RAB27B: variants seen among roughly 807,000 people sequenced by gnomAD.
RAB27B encodes the protein RAB27B, member RAS oncogene family.
In RAB27B, 15 loss-of-function variants were observed where a neutral mutation model predicts 24.6. The observed-to-expected ratio is 0.61, with a 90% CI of 0.41 to 0.94. The LOEUF (loss-of-function observed/expected upper bound fraction) is 0.94, where lower values mean the gene tolerates loss of function less well. Ranked by LOEUF, RAB27B falls within the 40% of genes least tolerant of loss-of-function variation. The pLI, the probability that RAB27B is intolerant of heterozygous loss-of-function variation, is 0.00. For synonymous variants in RAB27B, 105 were observed against 92.5 expected, an observed-to-expected ratio of 1.14 and a Z score of -0.78; for missense variants, 261 against 266.8, an observed-to-expected ratio of 0.98 and a Z score of 0.15.
chr18:54,758,519 G>A (rs974874359), intron 2 of RAB27B, among the ~76,000 whole-genome samples: 11 of 152,016 alleles, frequency 7.2e-5, no homozygotes, highest in Non-Finnish European at 1.3e-4. Flanking sequence ...TATCAGGTTT[G>A]GGAGAAATCA....
chr18:54,857,308 C>T (rs1454659242), intron 1 of RAB27B, among the ~76,000 whole-genome samples: 3 of 152,182 alleles, frequency 2.0e-5, no homozygotes. Flanking sequence ...TTCTGCCCAT[C>T]CGGGAAATAA....
At chr18:54,845,573 C>T (rs992649770) in intron 1 of RAB27B, among the ~76,000 whole-genome samples, 29 of 151,442 alleles carry the variant, frequency 1.9e-4, no homozygotes, top group African/African-American at 6.3e-4. Flanking sequence ...CCTTGTTTTT[C>T]CTAGTCTGTT....
intron 3 of RAB27B, among the ~76,000 whole-genome samples, chr18:54,882,884 G>C (rs1227966271): frequency 6.6e-6 from 1 of 152,006 alleles, no homozygotes; most frequent in Middle Eastern, 3.2e-3. Context: ...ATAATCTATG[G>C]GAAGAAATGG....
chr18:54,876,324 C>T (rs1912699321), intron 1 of RAB27B, among the ~76,000 whole-genome samples: 1 of 152,234 alleles, frequency 6.6e-6, no homozygotes, highest in South Asian at 2.1e-4. Context: ...GGACACAAAG[C>T]CTAACCATAT....
At chr18:54,772,177 T>A (rs1416984165) in intron 2 of RAB27B, among the ~76,000 whole-genome samples, 2 of 152,226 alleles carry the variant, frequency 1.3e-5, no homozygotes, top group Non-Finnish European at 2.9e-5. Context: ...AGGTCCTGGA[T>A]AGGGACTGCT....
At chr18:54,819,531 C>CAAAAAAAA (rs33940922) in intron 2 of RAB27B, among the ~76,000 whole-genome samples, 3 of 65,172 alleles carry the variant, frequency 4.6e-5, no homozygotes, top group African/African-American at 6.3e-5. Context: ...GACTCCATCT[C>CAAAAAAAA]AAAAAAAAAA....
At chr18:54,767,269 G>A (rs557412318) in intron 2 of RAB27B, among the ~76,000 whole-genome samples, 1 of 152,258 alleles carries the variant, frequency 6.6e-6, no homozygotes, top group Admixed American at 6.5e-5. Flanking sequence ...AACATGGAAA[G>A]GCAAATAACT....
chr18:54,800,339 T>C (rs1437297701), intron 2 of RAB27B, among the ~76,000 whole-genome samples: 2 of 152,238 alleles, frequency 1.3e-5, no homozygotes, highest in Non-Finnish European at 2.9e-5. Flanking sequence ...GATAAATCCC[T>C]AGATGTAGAC....
chr18:54,723,797 TA>T (rs1233568521), intron 2 of RAB27B, among the ~76,000 whole-genome samples: 2 of 152,218 alleles, frequency 1.3e-5, no homozygotes, highest in East Asian at 3.8e-4. Flanking sequence ...AGTACTTATT[TA>T]AAACACCAAA....
At chr18:54,842,246 A>G (rs1336024879) in intron 1 of RAB27B, among the ~76,000 whole-genome samples, 1 of 152,244 alleles carries the variant, frequency 6.6e-6, no homozygotes, top group Non-Finnish European at 1.5e-5. Flanking sequence ...AAGAAAAGAT[A>G]TGTAAACAGT....
chr18:54,802,006 A>G (rs1336995519), intron 2 of RAB27B, among the ~76,000 whole-genome samples: 4 of 152,202 alleles, frequency 2.6e-5, no homozygotes, highest in South Asian at 4.1e-4. Flanking sequence ...GCCAGAAGCA[A>G]TCAACCATCA....
chr18:54,819,542 A>AC (rs1250217030), intron 2 of RAB27B, among the ~76,000 whole-genome samples: 39 of 149,262 alleles, frequency 2.6e-4, no homozygotes, highest in African/African-American at 9.5e-4. Context: ...AAAAAAAAAA[A>AC]AAAAAGAAAA....
chr18:54,751,289 G>A (rs1907822533), intron 2 of RAB27B, among the ~76,000 whole-genome samples: 1 of 152,158 alleles, frequency 6.6e-6, no homozygotes, highest in South Asian at 2.1e-4. Context: ...ACAAGGGGAA[G>A]TGATGTAGAG....
intron 2 of RAB27B, among the ~76,000 whole-genome samples, chr18:54,806,087 A>G (rs1218254242): frequency 6.6e-6 from 1 of 152,148 alleles, no homozygotes; most frequent in Non-Finnish European, 1.5e-5. Flanking sequence ...CTTGCAACCC[A>G]TGGGATTTCC....
chr18:54,799,439 A>G (rs1451423031), intron 2 of RAB27B, among the ~76,000 whole-genome samples: 1 of 152,086 alleles, frequency 6.6e-6, no homozygotes, highest in Non-Finnish European at 1.5e-5. Flanking sequence ...AAGTATCCCC[A>G]TAGGGTATAA....
intron 2 of RAB27B, among the ~76,000 whole-genome samples, chr18:54,818,563 G>A (rs556087758): frequency 6.6e-6 from 1 of 152,102 alleles, no homozygotes. Flanking sequence ...ATAAGCAAAG[G>A]CATTCAACCA....
chr18:54,861,032 C>A (rs764848757), intron 1 of RAB27B, among the ~76,000 whole-genome samples: 12 of 152,144 alleles, frequency 7.9e-5, no homozygotes, highest in Non-Finnish European at 1.6e-4. Flanking sequence ...AATGACACAT[C>A]TTATTTTCAT....
At chr18:54,757,747 G>A (rs560179476) in intron 2 of RAB27B, among the ~76,000 whole-genome samples, 39 of 152,060 alleles carry the variant, frequency 2.6e-4, no homozygotes, top group Non-Finnish European at 3.8e-4. Flanking sequence ...TCTAGTACAG[G>A]ACAATAATAG....
At chr18:54,840,521 C>G (rs1911065903) in intron 1 of RAB27B, among the ~76,000 whole-genome samples, 1 of 152,152 alleles carries the variant, frequency 6.6e-6, no homozygotes, top group African/African-American at 2.4e-5. Flanking sequence ...TCAGTAAAAT[C>G]TAATGTGACC....
Sources: allele counts gnomAD v4.1 joint callset (sites outside exome capture counted in the v4.1 genomes callset), GRCh38; gene constraint gnomAD v4.1.1; transcripts MANE v1.5; gene names NCBI Gene and HGNC (gene_info 2026-07-23, HGNC 2026-07-21).